The following CACNA1E variants were observed in gnomAD, a reference collection of about 807,000 sequenced individuals.
CACNA1E encodes the protein voltage-dependent R-type calcium channel subunit alpha-1E.
Under a neutral mutation model 259.2 loss-of-function variants are expected in CACNA1E, and 40 were observed. That is an observed-to-expected ratio of 0.15 (90% confidence interval 0.12 to 0.20). CACNA1E has a LOEUF of 0.20. CACNA1E is among the 10% of genes least tolerant of loss of function. CACNA1E has a pLI of 1.00. For missense variants in CACNA1E, 1,874 were observed against 3,040.1 expected, an observed-to-expected ratio of 0.62 and a Z score of 9.02; for synonymous variants, 1,104 against 1,138.5, an observed-to-expected ratio of 0.97 and a Z score of 0.61.
intron 28 of CACNA1E, 69 bp from the exon 29 acceptor site, chr1:181,755,887 A>G (rs1308939049): frequency 6.7e-7 from 1 of 1,493,166 alleles, no homozygotes; most frequent in Admixed American, 1.9e-5. Flanking sequence ...CGGCCTGTAG[A>G]ATGTGCTGAC....
In CACNA1E at chr1:181,763,522, G is replaced by A. The variant is rs1395257504; in HGVS notation, c.4806G>A (p.Gln1602=). The A allele has an allele frequency of 6.4e-7, 1 of 1,566,856 alleles. No homozygotes were observed. Among genetic ancestry groups the A allele is most frequent in the East Asian group, 2.3e-5 (1 of 43,794 alleles). The change falls in exon 34 of 48, where the codon CAG becomes CAA. Residue 1602 remains glutamine (Q), a synonymous_variant. Coordinates refer to ENST00000367573, the MANE Select transcript of CACNA1E (RefSeq NM_001205293.3). ...GCATTTTGCTGTGGACCTTTGTGCA[G>A]TCCTTTAAGGTAAGAGGTACCAGCA... is the stretch of plus-strand genomic sequence containing the variant. ...TIRILLWTFV[Q]SFKALPYVCL...
At chr1:181,531,312 C>T (rs1463392522) in intron 3 of CACNA1E, among the ~76,000 whole-genome samples, 1 of 152,194 alleles carries the variant, frequency 6.6e-6, no homozygotes, top group Non-Finnish European at 1.5e-5. Flanking sequence ...GGGATAGCCC[C>T]CTTCCTCTGT....
intron 1 of CACNA1E, among the ~76,000 whole-genome samples, chr1:181,386,613 C>A (rs927777014): frequency 1.3e-5 from 2 of 152,192 alleles, no homozygotes; most frequent in African/African-American, 4.8e-5. Flanking sequence ...CTATTTATTG[C>A]ACACTTGAAT....
intron 1 of CACNA1E, among the ~76,000 whole-genome samples, chr1:181,406,541 ACCTGC>A (rs1184686794): frequency 6.6e-6 from 1 of 152,034 alleles, no homozygotes; most frequent in African/African-American, 2.4e-5. Context: ...GATTACAGGC[ACCTGC>A]CAGCATGCCC....
chr1:181,619,203 G>A, intron 6 of CACNA1E, among the ~76,000 whole-genome samples: 1 of 152,032 alleles, frequency 6.6e-6, no homozygotes, highest in Non-Finnish European at 1.5e-5. Flanking sequence ...GTTTTGGTAG[G>A]AGGGCCTGAT....
chr1:181,654,143 A>G (rs75839580), intron 7 of CACNA1E, among the ~76,000 whole-genome samples: 2,204 of 137,026 alleles, frequency 0.016, 56 homozygotes, highest in African/African-American at 0.051. Context: ...ACAGAATAAC[A>G]GGCCAATAAA....
At chr1:181,476,811 G>A (rs1022099285) in intron 2 of CACNA1E, among the ~76,000 whole-genome samples, 6 of 152,180 alleles carry the variant, frequency 3.9e-5, no homozygotes, top group African/African-American at 1.4e-4. Flanking sequence ...ACCCCCATCA[G>A]TGGGAGCTGG....
chr1:181,511,704 T>C (rs565709865), intron 3 of CACNA1E, among the ~76,000 whole-genome samples, 194 bp downstream of exon 3: 2 of 152,236 alleles, frequency 1.3e-5, no homozygotes, highest in South Asian at 4.2e-4. Flanking sequence ...GAGTACTGTG[T>C]GGAGATGCGT....
chr1:181,656,527 G>A (rs1015888491), intron 7 of CACNA1E, among the ~76,000 whole-genome samples: 1 of 152,200 alleles, frequency 6.6e-6, no homozygotes. Flanking sequence ...AAGAGTCTAA[G>A]TTAAATTTTT....
chr1:181,470,323 G>T (rs77396966), intron 2 of CACNA1E, among the ~76,000 whole-genome samples: 3,514 of 151,904 alleles, frequency 0.023, 68 homozygotes, highest in Middle Eastern at 0.048. Flanking sequence ...TGAGTAGCTG[G>T]GATTATAGGC....
At chr1:181,411,176 A>C (rs772770585) in intron 1 of CACNA1E, among the ~76,000 whole-genome samples, 9 of 152,316 alleles carry the variant, frequency 5.9e-5, no homozygotes, top group Non-Finnish European at 1.2e-4. Flanking sequence ...AGGCCCTCTC[A>C]AGCCACAAGG....
chr1:181,743,045 G>A (rs1257522089), intron 25 of CACNA1E, among the ~76,000 whole-genome samples: 2 of 152,226 alleles, frequency 1.3e-5, no homozygotes, highest in East Asian at 1.9e-4. Context: ...TCACTTTTAC[G>A]TTATAAGGCA....
intron 7 of CACNA1E, among the ~76,000 whole-genome samples, chr1:181,693,149 A>AAAAAAAAAAAAAAC (rs1558273258): frequency 7.8e-6 from 1 of 128,762 alleles, no homozygotes; most frequent in Admixed American, 7.8e-5. Context: ...AAAAAAAAAA[A>AAAAAAAAAAAAAAC]ACAACAGATG....
At chr1:181,654,615 T>C (rs1246294003) in intron 7 of CACNA1E, among the ~76,000 whole-genome samples, 3 of 152,178 alleles carry the variant, frequency 2.0e-5, no homozygotes, top group African/African-American at 7.2e-5. Context: ...ATGTATACCA[T>C]GGCACAGTAT....
intron 18 of CACNA1E, 132 bp from the exon 19 acceptor site, chr1:181,731,043 C>A: frequency 1.4e-6 from 1 of 695,432 alleles, no homozygotes; most frequent in Middle Eastern, 2.6e-4. Context: ...CTACAGAAGG[C>A]AAGCAGGCAC....
intron 3 of CACNA1E, among the ~76,000 whole-genome samples, chr1:181,528,877 G>T (rs1009299137): frequency 2.6e-5 from 4 of 152,216 alleles, no homozygotes; most frequent in Non-Finnish European, 5.9e-5. Flanking sequence ...TAAAAGTTCA[G>T]AAAATTGGCA....
At position 181,651,342 on chromosome 1, in the gene CACNA1E, A is replaced by G. The variant is rs780852075; in HGVS notation, c.956A>G (p.Asn319Ser). The G allele has an allele frequency of 1.2e-6, 2 of 1,609,762 alleles. No homozygotes were observed. The highest frequency in any genetic ancestry group is 8.5e-7 in the Non-Finnish European group (1 of 1,176,228). Residue 319 changes from asparagine to serine, a missense_variant, in exon 7 of 48, where the codon AAT (asparagine) becomes AGT (serine). Physicochemically the swap from Asn to Ser is conservative, Grantham distance 46. Around this residue, in one of 14 missense-constraint regions of CACNA1E, gnomAD observed 13 missense variants for 66.9 expected, o/e 0.19. Coordinates refer to ENST00000367573, the MANE Select transcript of CACNA1E (RefSeq NM_001205293.3). ...AACCATTTTTCTTTCTTTCAGACCAATGATGCCTTAGGAGCCACCTGGAAT... is the reference window on the plus strand; with the variant it reads ...AACCATTTTTCTTTCTTTCAGACCAGTGATGCCTTAGGAGCCACCTGGAAT... ...EGWTTVLYNT[N>S]DALGATWNWL...
At chr1:181,367,408 A>G (rs1157735312) in intron 1 of CACNA1E, among the ~76,000 whole-genome samples, 5 of 151,602 alleles carry the variant, frequency 3.3e-5, no homozygotes, top group Non-Finnish European at 7.4e-5. Flanking sequence ...TCTGCTGTGC[A>G]CTATAACCTT....
intron 2 of CACNA1E, among the ~76,000 whole-genome samples, chr1:181,461,863 G>A (rs1464787557): frequency 1.3e-5 from 2 of 152,044 alleles, no homozygotes; most frequent in East Asian, 3.9e-4. Flanking sequence ...TATCCGTAAT[G>A]CCATCATGTA....
Sources: gnomAD v4.1 joint callset for allele counts (sites outside exome capture counted in the v4.1 genomes callset) on GRCh38, gnomAD v4.1.1 for gene constraint, gnomAD v4.1.1 regional missense constraint, MANE v1.5 for transcripts, NCBI Gene and HGNC (gene_info 2026-07-23, HGNC 2026-07-21) for gene names.